The following DCDC1 variants were observed in gnomAD, a reference collection of about 807,000 sequenced individuals.
DCDC1 encodes doublecortin domain containing 1.
A neutral mutation model predicts 178.3 loss-of-function variants in DCDC1; 200 were observed. That is an observed-to-expected ratio of 1.12 (90% CI 1.00 to 1.26). The LOEUF is 1.26. DCDC1 is among the 50% of genes most tolerant of loss of function. The probability of loss-of-function intolerance (pLI) is 0.00; values close to 1 mark genes in which losing one functional copy is unlikely to be tolerated. For missense variants in DCDC1, 1,983 were observed against 1,749.2 expected (o/e 1.13, Z -2.38); for synonymous variants, 690 against 604.8 (o/e 1.14, Z -2.07).
chr11:31,188,485 C>G (rs923744053), intron 9 of DCDC1, among the ~76,000 whole-genome samples: 1 of 152,130 alleles, frequency 6.6e-6, no homozygotes, highest in Non-Finnish European at 1.5e-5. Context: ...CAAGGGCGTA[C>G]GTAAACAACT....
intron 20 of DCDC1, among the ~76,000 whole-genome samples, chr11:31,049,908 G>A (rs1955128591): frequency 6.6e-6 from 1 of 152,190 alleles, no homozygotes; most frequent in Non-Finnish European, 1.5e-5. Context: ...GATCCATTGC[G>A]AGGGTGGCCA....
At position 31,202,285 on chromosome 11, in the gene DCDC1, A is replaced by C. The variant is rs1971376442; in HGVS notation, c.1221+39165T>G. Among the ~76,000 whole-genome samples the C allele has an allele frequency of 2.0e-5, 3 of 152,104 alleles. No individual in the cohort carries two copies. In the South Asian group the frequency reaches 6.2e-4, roughly 32 times the overall value. ...CTTTAAAGCTACACAATTTTATGCC[A>C]GGCGCAATGGCTCACGCCTGTAATC... On this transcript the variant is annotated intron_variant, in intron 9 of 38. Transcript: ENST00000684477.
At chr11:31,096,161 A>G (rs368722016) in intron 15 of DCDC1, among the ~76,000 whole-genome samples, 4 of 152,260 alleles carry the variant, frequency 2.6e-5, no homozygotes, top group Non-Finnish European at 5.9e-5. Flanking sequence ...AGAAAACGTC[A>G]TAAGACTCCT....
At position 31,127,536 on chromosome 11, in the gene DCDC1, G is replaced by A. The variant is rs1180211197; in HGVS notation, c.1418C>T (p.Ser473Phe). 2.8e-6 allele frequency: 2 copies of A among 702,628 alleles called. No homozygotes were observed. The highest frequency in any genetic ancestry group is 1.7e-5 in the African/African-American group (1 of 57,228). The allele number at this position is 702,628 out of a possible 1,614,324, so 43.5% of individuals were successfully genotyped here. The change falls in exon 11 of 39, where the codon TCT (serine) becomes TTT (phenylalanine). Residue 473 changes from serine to phenylalanine, a missense_variant. By Grantham distance (155) the Ser-to-Phe change is radical (BLOSUM62 -2). Coordinates refer to ENST00000684477, the MANE Select transcript of DCDC1 (RefSeq NM_001387274.1). The part of the protein sequence containing the change: ...QLQAEQEQFS[S>F]YVYQHIKSLP... ...GCTTTTAATGTGTTGGTAGACATAA[G>A]AGGAGAATTGCTCCTGCTCAGCCTG... is the stretch of plus-strand genomic sequence containing the variant.
At position 30,883,477 on chromosome 11, in the gene DCDC1, G is replaced by T. The variant is rs190335519; in HGVS notation, c.5083-2169C>A. 203 of 460,990 alleles carry T rather than the reference G, an allele frequency of 4.4e-4. 1 individual carries two copies. The highest frequency in any genetic ancestry group is 3.4e-3 in the African/African-American group (171 of 49,628). The allele number at this position is 460,990 out of a possible 1,614,324, so 28.6% of individuals were successfully genotyped here. On this transcript the variant is annotated intron_variant, in intron 36 of 38. Transcript: ENST00000684477. ...TCAAAAAATAGAAGAAAACTTTCCTGCTCCAAATAAAGATCCATGTCTTCA... is the reference window on the plus strand; with the variant it reads ...TCAAAAAATAGAAGAAAACTTTCCTTCTCCAAATAAAGATCCATGTCTTCA...
At chr11:31,337,241 T>A (rs181917798) in intron 1 of DCDC1, among the ~76,000 whole-genome samples, 1 of 152,314 alleles carries the variant, frequency 6.6e-6, no homozygotes, top group African/African-American at 2.4e-5. Flanking sequence ...AATTTGGGAC[T>A]TTGGGCCTTG....
chr11:31,035,710 A>G (rs539700653), intron 20 of DCDC1, among the ~76,000 whole-genome samples: 56 of 152,386 alleles, frequency 3.7e-4, no homozygotes, highest in Non-Finnish European at 6.2e-4. Flanking sequence ...GACAACTTAT[A>G]TGAAAATGTC....
At chr11:31,275,219 TTC>T (rs1300253437) in intron 7 of DCDC1, among the ~76,000 whole-genome samples, 2 of 152,208 alleles carry the variant, frequency 1.3e-5, no homozygotes, top group Non-Finnish European at 2.9e-5. Context: ...TAGCAAAAAA[TTC>T]TGACTGCTTT....
intron 9 of DCDC1, among the ~76,000 whole-genome samples, chr11:31,144,910 T>A (rs992908648): frequency 4.6e-5 from 7 of 152,144 alleles, no homozygotes; most frequent in Non-Finnish European, 8.8e-5. Flanking sequence ...GACATTCATT[T>A]CATTAATTCT....
intron 9 of DCDC1, among the ~76,000 whole-genome samples, chr11:31,145,179 AT>A (rs973825043): frequency 1.3e-5 from 2 of 152,018 alleles, no homozygotes; most frequent in African/African-American, 4.8e-5. Context: ...GGAAATTCAG[AT>A]TTTTTTTGGA....
At chr11:31,360,321 A>G (rs1318663408) in intron 1 of DCDC1, among the ~76,000 whole-genome samples, 1 of 152,160 alleles carries the variant, frequency 6.6e-6, no homozygotes, top group East Asian at 1.9e-4. Context: ...CAACTCCTCT[A>G]AAGAAAGATG....
chr11:31,349,249 T>C (rs1259194410), intron 1 of DCDC1, among the ~76,000 whole-genome samples: 3 of 152,232 alleles, frequency 2.0e-5, no homozygotes, highest in Admixed American at 6.5e-5. Flanking sequence ...CTTATCACTT[T>C]ATTATCCTGT....
At chr11:31,273,591 G>A (rs903207566) in intron 7 of DCDC1, among the ~76,000 whole-genome samples, 1 of 152,118 alleles carries the variant, frequency 6.6e-6, no homozygotes, top group Non-Finnish European at 1.5e-5. Flanking sequence ...AGTCTCTAGG[G>A]AGCTCCAAAC....
chr11:31,213,010 C>T (rs766296797), intron 9 of DCDC1, among the ~76,000 whole-genome samples: 10 of 151,896 alleles, frequency 6.6e-5, no homozygotes, highest in Non-Finnish European at 1.5e-4. Context: ...TCTTCCTTCT[C>T]TCTGCTCCTC....
At chr11:31,092,625 T>C (rs956116214) in intron 16 of DCDC1, among the ~76,000 whole-genome samples, 6 of 152,322 alleles carry the variant, frequency 3.9e-5, no homozygotes, top group African/African-American at 1.4e-4. Flanking sequence ...ACTCTTTTGG[T>C]AGGCATTCCA....
At chr11:31,046,715 C>T (rs1954867008) in intron 20 of DCDC1, among the ~76,000 whole-genome samples, 1 of 151,368 alleles carries the variant, frequency 6.6e-6, no homozygotes, top group African/African-American at 2.4e-5. Context: ...TTATGACCTA[C>T]CTCGTGATGA....
intron 20 of DCDC1, among the ~76,000 whole-genome samples, chr11:30,962,769 A>G (rs536853296): frequency 3.1e-4 from 47 of 152,164 alleles, no homozygotes; most frequent in African/African-American, 1.1e-3. Context: ...TTGTTTTTCT[A>G]GTTGGTTGAG....
At chr11:31,345,371 G>T (rs920514563) in intron 1 of DCDC1, among the ~76,000 whole-genome samples, 1 of 152,158 alleles carries the variant, frequency 6.6e-6, no homozygotes, top group Non-Finnish European at 1.5e-5. Flanking sequence ...GAAACGTTAT[G>T]TATATGTGTA....
At chr11:31,205,098 C>T (rs942244010) in intron 9 of DCDC1, among the ~76,000 whole-genome samples, 2 of 152,152 alleles carry the variant, frequency 1.3e-5, no homozygotes, top group African/African-American at 2.4e-5. Flanking sequence ...GTGAAACCTT[C>T]CTGCTGGAGG....
Sources: allele counts gnomAD v4.1 joint callset (sites outside exome capture counted in the v4.1 genomes callset), GRCh38; gene constraint gnomAD v4.1.1; transcripts MANE v1.5; gene names NCBI Gene and HGNC (gene_info 2026-07-23, HGNC 2026-07-21).